Variants in PCDHGA3 observed in about 807,000 individuals in gnomAD.
The protein encoded by PCDHGA3 is protocadherin gamma subfamily A, 3, also known as protocadherin gamma-A3.
Under a neutral mutation model 58.5 loss-of-function variants are expected in PCDHGA3, and 40 were observed. The observed-to-expected ratio is 0.68, with a 90% CI of 0.53 to 0.89. The LOEUF is 0.89. Ranked by LOEUF, PCDHGA3 falls within the 40% of genes least tolerant of loss-of-function variation. The probability of loss-of-function intolerance (pLI) is 0.00; values close to 1 mark genes in which losing one functional copy is unlikely to be tolerated. For missense variants in PCDHGA3, 1,223 were observed against 1,195.9 expected, an observed-to-expected ratio of 1.02 and a Z score of -0.33; for synonymous variants, 530 against 525.7, an observed-to-expected ratio of 1.01 and a Z score of -0.11.
intron 1 of PCDHGA3, chr5:141,426,875 C>T (rs1005769074): frequency 8.8e-6 from 4 of 456,566 alleles, no homozygotes; most frequent in African/African-American, 4.0e-5. Context: ...TGGAGAAGCC[C>T]CTGGGCCAGG....
intron 1 of PCDHGA3, chr5:141,378,778 C>G (rs962575356): frequency 6.6e-5 from 10 of 152,270 alleles, no homozygotes; most frequent in Middle Eastern, 3.4e-3. Flanking sequence ...ACTGATTAGT[C>G]TTATTTATTA....
intron 1 of PCDHGA3, chr5:141,382,920 C>T (rs894174603): frequency 2.6e-6 from 4 of 1,558,806 alleles, no homozygotes; most frequent in Admixed American, 1.9e-5. Flanking sequence ...AGCCGAGGGG[C>T]GGGGACTACA....
At chr5:141,385,369 G>T in intron 1 of PCDHGA3, 1 of 1,532,174 alleles carries the variant, frequency 6.5e-7, no homozygotes, top group Admixed American at 2.2e-5. Context: ...TTATTTGCAT[G>T]ATATTTCTCT....
At chr5:141,378,078 T>C (rs1215089288) in intron 1 of PCDHGA3, 1 of 152,178 alleles carries the variant, frequency 6.6e-6, no homozygotes, top group South Asian at 2.1e-4. Context: ...GAAAATAATT[T>C]TATAACTTTT....
chr5:141,450,678 G>C (rs1038323301), intron 1 of PCDHGA3, among the ~76,000 whole-genome samples: 1 of 151,854 alleles, frequency 6.6e-6, no homozygotes, highest in Non-Finnish European at 1.5e-5. Context: ...GTAGAAACGG[G>C]GTTTTGCCAT....
intron 1 of PCDHGA3, chr5:141,383,516 G>A (rs757438983): frequency 3.0e-5 from 49 of 1,612,406 alleles, no homozygotes; most frequent in Non-Finnish European, 3.6e-5. Flanking sequence ...GAGGAAGAGC[G>A]GGTTCACCAC....
At position 141,511,216 on chromosome 5, in the gene PCDHGA3, C is replaced by G. The variant is rs374915167; in HGVS notation, c.*43C>G. Reference sequence around the variant, plus strand: ...GAGCCACAGGGCGGCCTCTCCCCAACCAGCCCAGCTTCTCCTTACCTGCAC... The same window carrying G: ...GAGCCACAGGGCGGCCTCTCCCCAAGCAGCCCAGCTTCTCCTTACCTGCAC... On this transcript the variant is annotated 3_prime_UTR_variant, in exon 4 of 4. Coordinates refer to ENST00000253812, the MANE Select transcript of PCDHGA3 (RefSeq NM_018916.4). 4.2e-5 allele frequency: 68 copies of G among 1,608,004 alleles called. No individual in the cohort carries two copies. The highest frequency in any genetic ancestry group is 6.7e-5 in the East Asian group (3 of 44,538).
chr5:141,348,521 T>G (rs1758136686), intron 1 of PCDHGA3, among the ~76,000 whole-genome samples: 1 of 152,218 alleles, frequency 6.6e-6, no homozygotes, highest in East Asian at 1.9e-4. Flanking sequence ...AGGGGAAATT[T>G]GGATGCTCAA....
rs114387256 is a variant in PCDHGA3, at chr5:141,358,315, T to G, written c.2424+11858T>G. On this transcript the variant is annotated intron_variant, in intron 1 of 3. Coordinates refer to ENST00000253812, the MANE Select transcript of PCDHGA3 (RefSeq NM_018916.4). The stretch of plus-strand genomic sequence containing the variant: ...TGTAAATTCACATTTACAATATTCT[T>G]TCTCATGAAGCTATTGTTGGATCTG... Among the ~76,000 whole-genome samples, 874 of 152,340 alleles carry G rather than the reference T, an allele frequency of 5.7e-3. 6 individuals carry two copies. The highest frequency in any genetic ancestry group is 0.02 in the African/African-American group (833 of 41,578).
intron 1 of PCDHGA3, among the ~76,000 whole-genome samples, chr5:141,425,048 T>C (rs1590618422): frequency 6.6e-6 from 1 of 152,350 alleles, no homozygotes; most frequent in African/African-American, 2.4e-5. Flanking sequence ...AAACTGACTA[T>C]CTAGGGCTCG....
In PCDHGA3 at chr5:141,360,170, G is replaced by A; in HGVS notation, c.2424+13713G>A. ...AGCTCAGGGAGGTGCGGGCTGGTGCGGTGGCTGCAGGTACTGTTGCCCTTC... is the reference window on the plus strand; with the variant it reads ...AGCTCAGGGAGGTGCGGGCTGGTGCAGTGGCTGCAGGTACTGTTGCCCTTC... On this transcript the variant is annotated intron_variant, in intron 1 of 3. Transcript: ENST00000253812. 3.1e-6 allele frequency: 5 copies of A among 1,607,748 alleles called. No individual in the cohort carries two copies. Among genetic ancestry groups the A allele is most frequent in the South Asian group, 1.1e-5 (1 of 90,112 alleles).
intron 1 of PCDHGA3, among the ~76,000 whole-genome samples, chr5:141,488,394 A>C (rs2099674951): frequency 1.3e-5 from 2 of 152,232 alleles, no homozygotes. Flanking sequence ...TGGTGAAACC[A>C]TGAAACCTAG....
At chr5:141,454,796 A>ATTTTTTTTTTTTTTTTTTTTTTTT (rs61612330) in intron 1 of PCDHGA3, among the ~76,000 whole-genome samples, 4 of 77,456 alleles carry the variant, frequency 5.2e-5, no homozygotes, top group Non-Finnish European at 9.3e-5. Flanking sequence ...CATGGTTCTA[A>ATTTTTTTTTTTTTTTTTTTTTTTT]TTTTTTTTTT....
At chr5:141,447,613 A>G (rs1169186870) in intron 1 of PCDHGA3, among the ~76,000 whole-genome samples, 1 of 152,186 alleles carries the variant, frequency 6.6e-6, no homozygotes, top group Admixed American at 6.5e-5. Context: ...TTAGCATTTT[A>G]AAGTTGAAAC....
At chr5:141,360,395 G>A in intron 1 of PCDHGA3, 1 of 1,613,930 alleles carries the variant, frequency 6.2e-7, no homozygotes, top group South Asian at 1.1e-5. Flanking sequence ...TTACTTGTGA[G>A]TGACAGAATA....
At position 141,490,044 on chromosome 5, in the gene PCDHGA3, T is replaced by C; in HGVS notation, c.2425-4763T>C. The C allele has an allele frequency of 1.2e-6, 2 of 1,614,192 alleles. No individual in the cohort carries two copies. Among genetic ancestry groups the C allele is most frequent in the Non-Finnish European group, 1.7e-6 (2 of 1,180,024 alleles). The stretch of plus-strand genomic sequence containing the variant: ...TGCTGCTCCGCCTCAATGCCACTGA[T>C]CCAGACGAGGGCACCAACGGCCAAC... On this transcript the variant is annotated intron_variant, in intron 1 of 3. Transcript: ENST00000253812. The surrounding 1 kb of genome is among the most constrained non-coding windows in gnomAD (Gnocchi z 5.4).
intron 1 of PCDHGA3, chr5:141,356,860 G>T: frequency 6.2e-7 from 1 of 1,614,170 alleles, no homozygotes; most frequent in Non-Finnish European, 8.5e-7. Context: ...CTTTGTGCTG[G>T]ACCAGAACGA....
In PCDHGA3 at chr5:141,477,053, G is replaced by A; in HGVS notation, c.2425-17754G>A. On this transcript the variant is annotated intron_variant, in intron 1 of 3. Transcript: ENST00000253812. This position sits in a 1 kb window ranked among gnomAD's most constrained non-coding sequence, Gnocchi z 4.9. ...GACAATCAAGGGTCGGCTGGACTTC[G>A]AGGACACCAAACTCCATGAGATTTA... The A allele has an allele frequency of 1.9e-6, 3 of 1,614,230 alleles. No homozygotes were observed. The highest frequency in any genetic ancestry group is 2.5e-6 in the Non-Finnish European group (3 of 1,180,032).
In PCDHGA3 at chr5:141,404,506, C is replaced by T. The variant is rs530963064; in HGVS notation, c.2424+58049C>T. The stretch of plus-strand genomic sequence containing the variant: ...ACACTGGTGTGCTGTATGCTCTGTG[C>T]TCCTTTGACTATGAGCAGTTTAGAG... On this transcript the variant is annotated intron_variant, in intron 1 of 3. Coordinates refer to ENST00000253812, the MANE Select transcript of PCDHGA3 (RefSeq NM_018916.4). 540 of 1,613,932 alleles carry T rather than the reference C, an allele frequency of 3.3e-4. 6 individuals are homozygous for T. In the South Asian group the frequency reaches 5.6e-3, roughly 17 times the overall value.
Sources: gnomAD v4.1 joint callset for allele counts (sites outside exome capture counted in the v4.1 genomes callset) on GRCh38, gnomAD v4.1.1 for gene constraint, Gnocchi (gnomAD v3.1) non-coding constraint, MANE v1.5 for transcripts, NCBI Gene and HGNC (gene_info 2026-07-23, HGNC 2026-07-21) for gene names.